The following TATDN2 variants were observed in gnomAD, a reference collection of about 807,000 sequenced individuals.
TATDN2 encodes 3'-5' RNA nuclease TATDN2.
TATDN2 carries 44 observed loss-of-function variants against 60.3 expected under a neutral mutation model. The ratio of observed to expected loss-of-function variants is 0.73; its 90% confidence interval spans 0.57 to 0.94. The LOEUF (loss-of-function observed/expected upper bound fraction) is 0.94. TATDN2 is among the 40% of genes least tolerant of loss of function. The pLI is 0.00. For missense variants in TATDN2, 997 were observed against 948.0 expected, an observed-to-expected ratio of 1.05 and a Z score of -0.68; for synonymous variants, 399 against 355.8, an observed-to-expected ratio of 1.12 and a Z score of -1.37.
At chr3:10,258,625 T>C (rs1418606096) in intron 2 of TATDN2, among the ~76,000 whole-genome samples, 7 of 152,080 alleles carry the variant, frequency 4.6e-5, no homozygotes, top group Non-Finnish European at 7.4e-5. Context: ...CCCGCCACCA[T>C]GCCTGGCTTA....
At chr3:10,273,504 C>G (rs1237420221) in intron 4 of TATDN2, among the ~76,000 whole-genome samples, 4 of 151,978 alleles carry the variant, frequency 2.6e-5, no homozygotes, top group Non-Finnish European at 4.4e-5. Flanking sequence ...CGCCTGTAAT[C>G]CCAACACTTT....
rs376538509 is a variant in TATDN2 at position 10,264,251 on chromosome 3, C to T, written c.948+3581C>T. ...CCAGTTCCCAAGGTGCCCAGTACCG[C>T]GAGTGCCTGCTCTGTTCTAAGCTTT... On this transcript the variant is annotated intron_variant, in intron 3 of 7. Transcript: ENST00000448281. Among the ~76,000 whole-genome samples the T allele has an allele frequency of 1.3e-4, 20 of 152,282 alleles. No homozygotes were observed. In the East Asian group the frequency reaches 1.5e-3, roughly 12 times the overall value.
chr3:10,275,504 T>G (rs1420934327), intron 4 of TATDN2, among the ~76,000 whole-genome samples: 1 of 152,114 alleles, frequency 6.6e-6, no homozygotes, highest in Non-Finnish European at 1.5e-5. Context: ...TCCCAGCACT[T>G]TGGGAGGCTG....
intron 3 of TATDN2, among the ~76,000 whole-genome samples, chr3:10,266,132 T>C (rs564584500): frequency 7.2e-5 from 11 of 152,370 alleles, no homozygotes; most frequent in African/African-American, 2.6e-4. Flanking sequence ...TTTCCCCTTG[T>C]AGGTTTATAC....
Position 10,266,156 on chromosome 3 carries a change from T to C in TATDN2, c.949-3975T>C, listed in dbSNP as rs188772362. Among the ~76,000 whole-genome samples, 9 of 152,336 alleles carry C rather than the reference T, an allele frequency of 5.9e-5. No homozygotes were observed. In the East Asian group the frequency reaches 1.5e-3, roughly 26 times the overall value. On this transcript the variant is annotated intron_variant, in intron 3 of 7. Coordinates refer to ENST00000448281, the MANE Select transcript of TATDN2 (RefSeq NM_014760.4). ...GTAGGTTTATACCTTTTCGGATATA[T>C]TTCCTGTAACTTTAGAAGGGTTTTT...
At chr3:10,275,678 G>A (rs1483553901) in intron 4 of TATDN2, among the ~76,000 whole-genome samples, 1 of 152,130 alleles carries the variant, frequency 6.6e-6, no homozygotes, top group Non-Finnish European at 1.5e-5. Context: ...CCCAGGAGGT[G>A]GAGGCTGAAG....
At position 10,278,542 on chromosome 3, in the gene TATDN2, G is replaced by A. The variant is rs886281709; in HGVS notation, c.2145+80G>A. The A allele has an allele frequency of 6.4e-7, 1 of 1,574,248 alleles. No homozygotes were observed. The highest frequency in any genetic ancestry group is 8.7e-7 in the Non-Finnish European group (1 of 1,149,104). ...GGTGGTCACCCTTACAAGGTTGGCAGGGCCAGAGCCCCAGTGACTTCCAGG... is the reference window on the plus strand; with the variant it reads ...GGTGGTCACCCTTACAAGGTTGGCAAGGCCAGAGCCCCAGTGACTTCCAGG... On this transcript the variant is annotated intron_variant, in intron 6 of 7. Coordinates refer to ENST00000448281, the MANE Select transcript of TATDN2 (RefSeq NM_014760.4). The surrounding 1 kb of genome is among the most constrained non-coding windows in gnomAD (Gnocchi z 4.7).
intron 5 of TATDN2, among the ~76,000 whole-genome samples, 165 bp downstream of exon 5, chr3:10,276,653 A>G (rs550133077): frequency 2.0e-5 from 3 of 151,864 alleles, no homozygotes; most frequent in East Asian, 3.9e-4. Context: ...TAGTAGTGCA[A>G]TTTCAGCTCA....
chr3:10,251,062 G>A (rs572852920), intron 2 of TATDN2, among the ~76,000 whole-genome samples: 1 of 152,256 alleles, frequency 6.6e-6, no homozygotes, highest in South Asian at 2.1e-4. Flanking sequence ...AATTGTAGGT[G>A]GACCCACCTT....
chr3:10,249,611 T>C lies in TATDN2; in HGVS notation c.411T>C (p.Leu137=), dbSNP rs1036484300. 2.7e-6 allele frequency: 4 copies of C among 1,508,094 alleles called. No homozygotes were observed. The highest frequency in any genetic ancestry group is 3.5e-6 in the Non-Finnish European group (4 of 1,129,218). 93.4% of individuals were successfully genotyped at this position (1,508,094 alleles called of 1,614,324 possible). A position where few individuals can be genotyped will look rare whatever the true frequency, so the allele number is the denominator to read the frequency against. Residue 137 remains leucine (L), a synonymous_variant, in exon 2 of 8, where the codon CTT becomes CTC. Coordinates refer to ENST00000448281, the MANE Select transcript of TATDN2 (RefSeq NM_014760.4). The part of the protein sequence containing the change: ...MASLEEEACS[L]KVDSKDSSHN... ...CTCTAGAGGAGGAAGCCTGCAGCCT[T>C]AAGGTAGGTGGCTGCCACGCTTTGC...
Position 10,260,156 on chromosome 3 carries a change from C to T in TATDN2, c.434C>T (p.Ser145Phe). Residue 145 changes from serine (S) to phenylalanine (F), a missense_variant, in exon 3 of 8, where the codon TCT becomes TTT. Coordinates refer to ENST00000448281, the MANE Select transcript of TATDN2 (RefSeq NM_014760.4). Reference sequence around the variant, plus strand: ...TCCCAGGTTGATTCCAAAGATAGTTCTCATAACTCCACAAACTCTGAATTT... The same window carrying T: ...TCCCAGGTTGATTCCAAAGATAGTTTTCATAACTCCACAAACTCTGAATTT... ...CSLKVDSKDS[S>F]HNSTNSEFAA... The T allele has an allele frequency of 6.2e-7, 1 of 1,611,812 alleles. No individual in the cohort carries two copies. The highest frequency in any genetic ancestry group is 1.3e-5 in the African/African-American group (1 of 74,748).
rs758905079 is a variant in TATDN2, at chr3:10,270,176, G to A, written c.994G>A (p.Asp332Asn). The change falls in exon 4 of 8, where the codon GAC becomes AAC. Residue 332 changes from aspartate to asparagine, a missense_variant. Physicochemically the swap from Asp to Asn is conservative, Grantham distance 23 (BLOSUM62 1). Coordinates refer to ENST00000448281, the MANE Select transcript of TATDN2 (RefSeq NM_014760.4). Reference protein sequence around the residue: ...VVMEHPSSGSDWSDVEEISTV... With the variant: ...VVMEHPSSGSNWSDVEEISTV... The stretch of plus-strand genomic sequence containing the variant: ...GATGGAGCACCCCTCTTCTGGAAGT[G>A]ACTGGTCTGATGTTGAGGAGATCTC... The A allele has an allele frequency of 6.2e-7, 1 of 1,612,884 alleles. No individual in the cohort carries two copies. Among genetic ancestry groups the A allele is most frequent in the Non-Finnish European group, 8.5e-7 (1 of 1,179,600 alleles).
chr3:10,280,693 C>G lies in TATDN2; in HGVS notation c.*1511C>G, dbSNP rs928290405. The G allele has an allele frequency of 6.5e-6, 1 of 153,836 alleles. No individual in the cohort carries two copies. Among genetic ancestry groups the G allele is most frequent in the Admixed American group, 6.5e-5 (1 of 15,280 alleles). 9.5% of individuals were successfully genotyped at this position (153,836 alleles called of 1,614,324 possible). ...TGGTACACAAGTCACTGGCCTGGAA[C>G]TCAGCCTTGATTCACTGTCCGTCTT... On this transcript the variant is annotated 3_prime_UTR_variant, in exon 8 of 8. Transcript: ENST00000448281.
intron 2 of TATDN2, among the ~76,000 whole-genome samples, chr3:10,258,727 C>T (rs1242289401): frequency 1.3e-5 from 2 of 149,876 alleles, no homozygotes; most frequent in Admixed American, 6.7e-5. Flanking sequence ...GCCTCGGCCT[C>T]CCAAAGTGCT....
chr3:10,256,310 A>G (rs753914998), intron 2 of TATDN2, among the ~76,000 whole-genome samples: 28 of 151,964 alleles, frequency 1.8e-4, no homozygotes, highest in Non-Finnish European at 3.1e-4. Flanking sequence ...AGTAGCTGGG[A>G]CTACAGGTGT....
chr3:10,274,100 T>C (rs763154724), intron 4 of TATDN2, among the ~76,000 whole-genome samples: 1 of 152,224 alleles, frequency 6.6e-6, no homozygotes, highest in Non-Finnish European at 1.5e-5. Flanking sequence ...GTAATTATAC[T>C]GGGTAATAAC....
Position 10,249,353 on chromosome 3 carries a change from C to T in TATDN2, c.153C>T (p.Ser51=). The T allele has an allele frequency of 6.2e-7, 1 of 1,612,770 alleles. No individual in the cohort carries two copies. Among genetic ancestry groups the T allele is most frequent in the Non-Finnish European group, 8.5e-7 (1 of 1,179,220 alleles). The change falls in exon 2 of 8, where the codon AGC becomes AGT. Residue 51 remains serine (S), a synonymous_variant. Transcript: ENST00000448281. The stretch of plus-strand genomic sequence containing the variant: ...CGTCGCGTTCTGGAGGGCCCAGCAG[C>T]CCCAAGCGCCTGAAAGCCCAGAAGG... ...RSASRSGGPS[S]PKRLKAQKED... is the part of the protein sequence containing the mutation.
rs1698676914 is a variant in TATDN2, at chr3:10,278,820, G to T, written c.2146-65G>T. On this transcript the variant is annotated intron_variant, in intron 6 of 7. Transcript: ENST00000448281. The surrounding 1 kb of genome is among the most constrained non-coding windows in gnomAD (Gnocchi z 4.7). ...TCCTTGCTGGGGAAGGGACAGGGAG[G>T]GAGTTCTAGATTATGACTGTGCACA... The T allele has an allele frequency of 6.2e-6, 10 of 1,611,442 alleles. No homozygotes were observed. The highest frequency in any genetic ancestry group is 8.5e-6 in the Non-Finnish European group (10 of 1,179,096).
At chr3:10,277,643 C>T (rs1698658026) in intron 5 of TATDN2, among the ~76,000 whole-genome samples, 1 of 152,174 alleles carries the variant, frequency 6.6e-6, no homozygotes, top group South Asian at 2.1e-4. Flanking sequence ...CTGCTGCACA[C>T]ACCAATGATG....
Sources: allele counts gnomAD v4.1 joint callset (sites outside exome capture counted in the v4.1 genomes callset), GRCh38; gene constraint gnomAD v4.1.1; non-coding constraint Gnocchi (gnomAD v3.1); transcripts MANE v1.5; gene names NCBI Gene and HGNC (gene_info 2026-07-23, HGNC 2026-07-21).